Variants in DUSP19 observed in about 807,000 individuals in gnomAD.
DUSP19 encodes dual specificity phosphatase 19, also known as dual specificity protein phosphatase 19.
Under a neutral mutation model 16.6 loss-of-function variants are expected in DUSP19, and 14 were observed. That is an observed-to-expected ratio of 0.84 (90% CI 0.56 to 1.32). The LOEUF is 1.32. Among genes scored for constraint, DUSP19 ranks in the 40% most tolerant of loss-of-function variants. The pLI is 0.00. For missense variants in DUSP19, 258 were observed against 255.9 expected, an observed-to-expected ratio of 1.01 and a Z score of -0.06; for synonymous variants, 81 against 90.5, an observed-to-expected ratio of 0.90 and a Z score of 0.59.
At position 183,099,040 on chromosome 2, in the gene DUSP19, C is replaced by T. The variant is rs574885714; in HGVS notation, c.*3382C>T. 1.8e-5 allele frequency: 2 copies of T among 114,106 alleles called. No individual in the cohort carries two copies. Among genetic ancestry groups the T allele is most frequent in the South Asian group, 7.3e-4 (2 of 2,730 alleles). 7.1% of individuals were successfully genotyped at this position (114,106 alleles called of 1,614,324 possible). On this transcript the variant is annotated 3_prime_UTR_variant, in exon 4 of 4. Transcript: ENST00000354221. Reference sequence around the variant, plus strand: ...GAACCTTGATTAAAATGTATGAATACAATACTTGGATTTTTTTTTTTCAGC... The same window carrying T: ...GAACCTTGATTAAAATGTATGAATATAATACTTGGATTTTTTTTTTTCAGC...
At chr2:183,079,586 T>C (rs1004155872) in intron 1 of DUSP19, among the ~76,000 whole-genome samples, 1 of 152,248 alleles carries the variant, frequency 6.6e-6, no homozygotes, top group Non-Finnish European at 1.5e-5. Context: ...CTGTGCTTGC[T>C]GGCCTGCGCA....
rs1300287658 is a variant in DUSP19, at chr2:183,098,744, T to C, written c.*3086T>C. The C allele has an allele frequency of 6.6e-6, 1 of 152,172 alleles. No homozygotes were observed. The highest frequency in any genetic ancestry group is 1.5e-5 in the Non-Finnish European group (1 of 67,992). 9.4% of individuals were successfully genotyped at this position (152,172 alleles called of 1,614,324 possible). A position where few individuals can be genotyped will look rare whatever the true frequency, so the allele number is the denominator to read the frequency against. ...AAAGGCAGTGGAGCATACAATACAA[T>C]TCTATTTATTTGAGGTTAATTGAAG... On this transcript the variant is annotated 3_prime_UTR_variant, in exon 4 of 4. Transcript: ENST00000354221.
chr2:183,091,832 G>A (rs1699735453), intron 3 of DUSP19, among the ~76,000 whole-genome samples: 1 of 152,146 alleles, frequency 6.6e-6, no homozygotes, highest in South Asian at 2.1e-4. Flanking sequence ...TTTAGTTCTG[G>A]GAAATCGGAG....
rs188189598 is a variant in DUSP19 at position 183,096,683 on chromosome 2, A to G, written c.*1025A>G. The G allele has an allele frequency of 4.0e-5, 6 of 151,284 alleles. No homozygotes were observed. In the East Asian group the frequency reaches 9.7e-4, roughly 24 times the overall value. The allele number at this position is 151,284 out of a possible 1,614,324, so 9.4% of individuals were successfully genotyped here. A position where few individuals can be genotyped will look rare whatever the true frequency, so the allele number is the denominator to read the frequency against. ...TTTGTGCTTTTTATCTTGGGTGCCT[A>G]GCATTCTGTTTTTTTGATCCTATGT... is the stretch of plus-strand genomic sequence containing the variant. On this transcript the variant is annotated 3_prime_UTR_variant, in exon 4 of 4. Transcript: ENST00000354221.
intron 3 of DUSP19, among the ~76,000 whole-genome samples, chr2:183,093,412 G>C (rs1197434635): frequency 6.6e-6 from 1 of 152,158 alleles, no homozygotes; most frequent in South Asian, 2.1e-4. Flanking sequence ...TTGGAAAGAG[G>C]CAGTCTTAGA....
In DUSP19 at chr2:183,097,913, C is replaced by T. The variant is rs761130090; in HGVS notation, c.*2255C>T. 6.6e-6 allele frequency: 1 copy of T among 152,068 alleles called. No individual in the cohort carries two copies. The highest frequency in any genetic ancestry group is 1.5e-5 in the Non-Finnish European group (1 of 68,022). 9.4% of individuals were successfully genotyped at this position (152,068 alleles called of 1,614,324 possible). On this transcript the variant is annotated 3_prime_UTR_variant, in exon 4 of 4. Coordinates refer to ENST00000354221, the MANE Select transcript of DUSP19 (RefSeq NM_080876.4). The stretch of plus-strand genomic sequence containing the variant: ...TTAATGATATTATTATTATTTGAGA[C>T]AGAGTTTTGCTCTTATTGCCCAGGC...
chr2:183,089,659 A>G (rs954047501), intron 3 of DUSP19, among the ~76,000 whole-genome samples: 2 of 152,218 alleles, frequency 1.3e-5, no homozygotes, highest in Non-Finnish European at 2.9e-5. Flanking sequence ...GAGGTGGAGC[A>G]TGCTGAGAGG....
At chr2:183,093,392 C>T (rs1699757157) in intron 3 of DUSP19, among the ~76,000 whole-genome samples, 1 of 152,154 alleles carries the variant, frequency 6.6e-6, no homozygotes, top group African/African-American at 2.4e-5. Flanking sequence ...TCCTCATACC[C>T]TCATTTCACT....
chr2:183,080,973 G>T (rs987077220), intron 1 of DUSP19, among the ~76,000 whole-genome samples: 1 of 152,306 alleles, frequency 6.6e-6, no homozygotes, highest in Non-Finnish European at 1.5e-5. Flanking sequence ...GACTGGGGTT[G>T]TTTGCAGGTT....
intron 1 of DUSP19, among the ~76,000 whole-genome samples, chr2:183,081,027 C>T (rs1699586228): frequency 6.6e-6 from 1 of 152,180 alleles, no homozygotes; most frequent in South Asian, 2.1e-4. Context: ...ACACAGCTTC[C>T]TCCCAGCATC....
intron 3 of DUSP19, among the ~76,000 whole-genome samples, chr2:183,092,558 A>T (rs145810138): frequency 2.0e-5 from 3 of 152,140 alleles, no homozygotes; most frequent in African/African-American, 7.2e-5. Context: ...GTGTCCCTGC[A>T]AAGGACATGA....
chr2:183,096,728 G>A lies in DUSP19; in HGVS notation c.*1070G>A, dbSNP rs1699807898. ...CTATGTCATAATTTTTTGAGAAAAT[G>A]TTTGATACTGCAAGATCATTGTTTA... On this transcript the variant is annotated 3_prime_UTR_variant, in exon 4 of 4. Transcript: ENST00000354221. 6.6e-6 allele frequency: 1 copy of A among 151,912 alleles called. No individual in the cohort carries two copies. The highest frequency in any genetic ancestry group is 1.5e-5 in the Non-Finnish European group (1 of 67,958). 9.4% of individuals were successfully genotyped at this position (151,912 alleles called of 1,614,324 possible). A position where few individuals can be genotyped will look rare whatever the true frequency, so the allele number is the denominator to read the frequency against.
At chr2:183,088,188 G>C (rs1198181804) in intron 3 of DUSP19, among the ~76,000 whole-genome samples, 1 of 152,074 alleles carries the variant, frequency 6.6e-6, no homozygotes, top group Non-Finnish European at 1.5e-5. Context: ...TTGCCTACAA[G>C]TCAGTACAGT....
At chr2:183,081,352 C>T (rs1575091800) in intron 1 of DUSP19, among the ~76,000 whole-genome samples, 1 of 152,106 alleles carries the variant, frequency 6.6e-6, no homozygotes, top group African/African-American at 2.4e-5. Flanking sequence ...CTCCAGCGAT[C>T]GTCCCACCTC....
chr2:183,085,993 A>AATGGACTGTCTGCCTGGCTTT (rs1225902416), intron 2 of DUSP19, among the ~76,000 whole-genome samples: 15 of 148,816 alleles, frequency 1.0e-4, no homozygotes, highest in Admixed American at 4.1e-4. Context: ...GGATTATCTT[A>AATGGACTGTCTGCCTGGCTTT]ATGGACTGTC....
At chr2:183,094,694 A>C (rs1398793953) in intron 3 of DUSP19, among the ~76,000 whole-genome samples, 2 of 152,100 alleles carry the variant, frequency 1.3e-5, no homozygotes, top group African/African-American at 2.4e-5. Context: ...TTTCCACTTC[A>C]CATTGTTATG....
At chr2:183,079,294 T>C (rs1699561913) in intron 1 of DUSP19, 135 bp downstream of exon 1, 1 of 885,358 alleles carries the variant, frequency 1.1e-6, no homozygotes, top group Admixed American at 2.9e-5. Context: ...TTTTTGGATA[T>C]GGAACTTCCA....
In DUSP19 at chr2:183,098,930, C is replaced by G. The variant is rs1200353004; in HGVS notation, c.*3272C>G. On this transcript the variant is annotated 3_prime_UTR_variant, in exon 4 of 4. Transcript: ENST00000354221. ...CAAAATTTAGACCAGTATACTAATT[C>G]AAAAGACAAATATTTCAGAGGAAGT... 1 of 152,128 alleles carries G rather than the reference C, an allele frequency of 6.6e-6. No homozygotes were observed. The highest frequency in any genetic ancestry group is 2.4e-5 in the African/African-American group (1 of 41,426). 9.4% of individuals were successfully genotyped at this position (152,128 alleles called of 1,614,324 possible). A position where few individuals can be genotyped will look rare whatever the true frequency, so the allele number is the denominator to read the frequency against.
chr2:183,094,636 C>T (rs889182124), intron 3 of DUSP19, among the ~76,000 whole-genome samples: 3 of 152,124 alleles, frequency 2.0e-5, no homozygotes, highest in Admixed American at 2.0e-4. Context: ...TTGCAAGTTA[C>T]CTGAAATGTT....
Sources: gnomAD v4.1 joint callset for allele counts (sites outside exome capture counted in the v4.1 genomes callset) on GRCh38, gnomAD v4.1.1 for gene constraint, MANE v1.5 for transcripts, NCBI Gene and HGNC (gene_info 2026-07-23, HGNC 2026-07-21) for gene names.